Variants in CDH17 observed in about 807,000 individuals in gnomAD.
CDH17 encodes the protein cadherin-17.
Under a neutral mutation model 86.3 loss-of-function variants are expected in CDH17, and 67 were observed. That is an observed-to-expected ratio of 0.78 (90% CI 0.64 to 0.95). The LOEUF (loss-of-function observed/expected upper bound fraction) is 0.95, where lower values mean the gene tolerates loss of function less well. Ranked by LOEUF, CDH17 falls within the 40% of genes least tolerant of loss-of-function variation. The probability of loss-of-function intolerance (pLI) is 0.00; values close to 1 mark genes in which losing one functional copy is unlikely to be tolerated. For missense variants in CDH17, 993 were observed against 1,017.6 expected, an observed-to-expected ratio of 0.98 and a Z score of 0.33; for synonymous variants, 367 against 366.4, an observed-to-expected ratio of 1.00 and a Z score of -0.02.
At chr8:94,144,232 G>A (rs760377168) in intron 15 of CDH17, among the ~76,000 whole-genome samples, 71 of 152,300 alleles carry the variant, frequency 4.7e-4, no homozygotes, top group Non-Finnish European at 8.8e-4. Flanking sequence ...GCGTCAGAAC[G>A]TACGTCGACG....
rs770908375 is a variant in CDH17 at position 94,148,826 on chromosome 8, C to T, written c.1845G>A (p.Val615=). ...GAGCCACACTAAAGATCTCACCAGT[C>T]ACGTGGTCAATTTTAAGCCAACCTC... ...DTRGWLKIDH[V]TGEIFSVAPL... The change falls in exon 14 of 18, where the codon GTG becomes GTA. Residue 615 remains valine, a synonymous_variant. Coordinates refer to ENST00000027335, the MANE Select transcript of CDH17 (RefSeq NM_004063.4). 5.0e-6 allele frequency: 8 copies of T among 1,608,424 alleles called. No homozygotes were observed. The highest frequency in any genetic ancestry group is 5.9e-6 in the Non-Finnish European group (7 of 1,177,936).
chr8:94,187,552 CCT>C (rs1196010182), intron 3 of CDH17, among the ~76,000 whole-genome samples: 2 of 152,182 alleles, frequency 1.3e-5, no homozygotes, highest in African/African-American at 2.4e-5. Flanking sequence ...TTCCCTGAAT[CCT>C]CTCTTTCCTC....
intron 1 of CDH17, among the ~76,000 whole-genome samples, chr8:94,208,091 T>C (rs1814064172): frequency 6.6e-6 from 1 of 152,194 alleles, no homozygotes; most frequent in African/African-American, 2.4e-5. Context: ...GAGAATGTGA[T>C]TCCAACCCCA....
upstream of CDH17, among the ~76,000 whole-genome samples, chr8:94,209,394 C>T (rs908162585): frequency 1.3e-5 from 2 of 152,184 alleles, no homozygotes; most frequent in Non-Finnish European, 2.9e-5. Context: ...TGGACCTTCT[C>T]ATGTTCATTT....
intron 9 of CDH17, among the ~76,000 whole-genome samples, chr8:94,167,421 C>T (rs181006886): frequency 1.2e-3 from 185 of 152,148 alleles, no homozygotes; most frequent in African/African-American, 3.3e-3. Flanking sequence ...CATCCACTGA[C>T]GCATATGGAA....
chr8:94,150,099 T>A (rs930666020), intron 13 of CDH17, among the ~76,000 whole-genome samples: 7 of 152,248 alleles, frequency 4.6e-5, no homozygotes, highest in African/African-American at 1.2e-4. Flanking sequence ...TCCCACAATG[T>A]ATTTTTTTAG....
chr8:94,134,985 G>T (rs1381652565), intron 15 of CDH17, among the ~76,000 whole-genome samples: 1 of 150,464 alleles, frequency 6.6e-6, no homozygotes, highest in African/African-American at 2.4e-5. Context: ...GTGAGTTTTT[G>T]TCCTGAGTTC....
rs1563568733 is a variant in CDH17 at position 94,146,930 on chromosome 8, T to TAAACCCTGTTTTCTTGCTCATTTCC, written c.1928-764_1928-763insGGAAATGAGCAAGAAAACAGGGTTT. 3.0e-3 allele frequency among the ~76,000 whole-genome samples: 463 copies of TAAACCCTGTTTTCTTGCTCATTTCC among 152,196 alleles called. 1 individual carries two copies. The highest frequency in any genetic ancestry group is 0.011 in the African/African-American group (441 of 41,526). ...CCAGTAATGTTTTCTTGCTCATTTC[T>TAAACCCTGTTTTCTTGCTCATTTCC]AGTAAACCCTGTTTTCTTGATTTTC... On this transcript the variant is annotated intron_variant, in intron 14 of 17. Transcript: ENST00000027335.
rs543969507 is a variant in CDH17 at position 94,173,195 on chromosome 8, G to A, written c.783+602C>T. On this transcript the variant is annotated intron_variant, in intron 7 of 17. Transcript: ENST00000027335. ...AAAGCAAAAGTATATATCTGATGTC[G>A]TTTGGATGTTTGTCCCCTCCAAATC... Among the ~76,000 whole-genome samples the A allele has an allele frequency of 3.3e-5, 5 of 152,222 alleles. No individual in the cohort carries two copies. In the South Asian group the frequency reaches 8.3e-4, roughly 25 times the overall value.
At position 94,145,064 on chromosome 8, in the gene CDH17, T is replaced by C. The variant is rs1275294151; in HGVS notation, c.2167+864A>G. The stretch of plus-strand genomic sequence containing the variant: ...CTCACACACTGGTGGGAATGTAAAA[T>C]GTTAAGAACAATTTGGAAAGTAGTT... On this transcript the variant is annotated intron_variant, in intron 15 of 17. Coordinates refer to ENST00000027335, the MANE Select transcript of CDH17 (RefSeq NM_004063.4). Among the ~76,000 whole-genome samples, 3 of 152,318 alleles carry C rather than the reference T, an allele frequency of 2.0e-5. No individual in the cohort carries two copies. In the East Asian group the frequency reaches 5.8e-4, roughly 29 times the overall value.
intron 15 of CDH17, among the ~76,000 whole-genome samples, chr8:94,131,425 T>C (rs1382922370): frequency 6.6e-6 from 1 of 152,216 alleles, no homozygotes; most frequent in African/African-American, 2.4e-5. Flanking sequence ...ACATATATTG[T>C]TCATTCTAAC....
At chr8:94,138,877 T>C (rs1812582886) in intron 15 of CDH17, among the ~76,000 whole-genome samples, 1 of 152,206 alleles carries the variant, frequency 6.6e-6, no homozygotes, top group African/African-American at 2.4e-5. Context: ...CATCAAACTT[T>C]TTCCAAATGA....
chr8:94,204,609 G>A (rs1389946457), intron 1 of CDH17, among the ~76,000 whole-genome samples: 1 of 152,132 alleles, frequency 6.6e-6, no homozygotes, highest in Non-Finnish European at 1.5e-5. Flanking sequence ...ATAAACACAC[G>A]TGTACATGTG....
At chr8:94,174,056 C>T in intron 6 of CDH17, 46 bp downstream of exon 6, 4 of 1,609,992 alleles carry the variant, frequency 2.5e-6, no homozygotes, top group South Asian at 2.2e-5. Flanking sequence ...GACCAAACTC[C>T]CTTTTTCTGA....
chr8:94,197,829 T>TAAAAAAAAAAAAA (rs34799637), intron 1 of CDH17, among the ~76,000 whole-genome samples: 1 of 121,392 alleles, frequency 8.2e-6, no homozygotes, highest in Non-Finnish European at 1.7e-5. Flanking sequence ...AGACTCTGTC[T>TAAAAAAAAAAAAA]AAAAAAAAAA....
chr8:94,164,582 C>G (rs1586253746), intron 10 of CDH17, among the ~76,000 whole-genome samples: 1 of 152,172 alleles, frequency 6.6e-6, no homozygotes, highest in South Asian at 2.1e-4. Context: ...TTCAAACATT[C>G]CGCATTAGGG....
intron 1 of CDH17, among the ~76,000 whole-genome samples, chr8:94,199,081 ATAT>A (rs1235397714): frequency 8.1e-4 from 8 of 9,850 alleles, no homozygotes; most frequent in East Asian, 1.6e-3. Context: ...ATATATATAT[ATAT>A]TTTTTTTTTT....
At chr8:94,161,373 A>G (rs780678011) in intron 11 of CDH17, among the ~76,000 whole-genome samples, 19 of 152,102 alleles carry the variant, frequency 1.2e-4, no homozygotes, top group Non-Finnish European at 2.2e-4. Flanking sequence ...ACATCATCAC[A>G]GGGCTCTGGG....
chr8:94,182,726 C>T (rs1813507407), intron 3 of CDH17, among the ~76,000 whole-genome samples: 1 of 151,958 alleles, frequency 6.6e-6, no homozygotes, highest in Non-Finnish European at 1.5e-5. Context: ...CTCAATCTTG[C>T]CACTTCTATT....
Sources: gnomAD v4.1 joint callset for allele counts (sites outside exome capture counted in the v4.1 genomes callset) on GRCh38, gnomAD v4.1.1 for gene constraint, MANE v1.5 for transcripts, NCBI Gene and HGNC (gene_info 2026-07-23, HGNC 2026-07-21) for gene names.